Variants in PCNX4 observed in about 807,000 individuals in gnomAD.
PCNX4 encodes pecanex-like protein 4.
In PCNX4, 103 loss-of-function variants were observed where a neutral mutation model predicts 107.2. The observed-to-expected ratio is 0.96, with a 90% CI of 0.82 to 1.13. The LOEUF is 1.13. PCNX4 is among the 50% of genes most tolerant of loss of function. The probability of loss-of-function intolerance (pLI) is 0.00; values close to 1 mark genes in which losing one functional copy is unlikely to be tolerated. For missense variants in PCNX4, 1,528 were observed against 1,379.4 expected, an observed-to-expected ratio of 1.11 and a Z score of -1.71; for synonymous variants, 541 against 481.7, an observed-to-expected ratio of 1.12 and a Z score of -1.61.
At chr14:60,108,366 T>G (rs755901425) in intron 2 of PCNX4, 39 bp downstream of exon 2, 2 of 1,464,848 alleles carry the variant, frequency 1.4e-6, no homozygotes, top group South Asian at 2.6e-5. Context: ...AACTTTGTTT[T>G]TAAGTATACA....
chr14:60,120,661 A>G (rs979050968), intron 7 of PCNX4, among the ~76,000 whole-genome samples: 1 of 152,176 alleles, frequency 6.6e-6, no homozygotes, highest in Non-Finnish European at 1.5e-5. Context: ...GATACAATGT[A>G]TTTTCGACAG....
At chr14:60,113,321 A>G (rs976501128) in intron 2 of PCNX4, among the ~76,000 whole-genome samples, 22 of 152,354 alleles carry the variant, frequency 1.4e-4, no homozygotes, top group African/African-American at 5.1e-4. Context: ...GGGGCTGTCA[A>G]CATATTCTTA....
chr14:60,121,574 T>C (rs1309814933), intron 8 of PCNX4, among the ~76,000 whole-genome samples: 1 of 140,734 alleles, frequency 7.1e-6, no homozygotes, highest in Non-Finnish European at 1.5e-5. Context: ...CTCAAAAGTG[T>C]GAATCAGTAA....
Position 60,136,556 on chromosome 14 carries a change from A to C in PCNX4, c.*2335A>C, listed in dbSNP as rs1896242454. 6.6e-6 allele frequency: 1 copy of C among 152,426 alleles called. No homozygotes were observed. The highest frequency in any genetic ancestry group is 2.4e-5 in the African/African-American group (1 of 41,450). 9.4% of individuals were successfully genotyped at this position (152,426 alleles called of 1,614,324 possible). A position where few individuals can be genotyped will look rare whatever the true frequency, so the allele number is the denominator to read the frequency against. On this transcript the variant is annotated 3_prime_UTR_variant, in exon 11 of 11. Coordinates refer to ENST00000406854, the MANE Select transcript of PCNX4 (RefSeq NM_001330177.2). ...TTGAAGGGAAGGTGAGAGTTAAAGA[A>C]AGACACACAGAGGGCAGCTTGACAG...
Position 60,124,735 on chromosome 14 carries a change from G to T in PCNX4, c.2564G>T (p.Gly855Val), listed in dbSNP as rs775199236. Residue 855 changes from glycine to valine, a missense_variant, in exon 9 of 11, where the codon GGA (glycine) becomes GTA (valine). By Grantham distance (109) the Gly-to-Val change is moderately radical. Coordinates refer to ENST00000406854, the MANE Select transcript of PCNX4 (RefSeq NM_001330177.2). ...CCAGGTACAAATTTGTTTATTCCAGGATCAGTAGAATCACAGAGGGTTGGT... is the reference window on the plus strand; with the variant it reads ...CCAGGTACAAATTTGTTTATTCCAGTATCAGTAGAATCACAGAGGGTTGGT... Reference protein sequence around the residue: ...DLPGTNLFIPGSVESQRVGDH... With the variant: ...DLPGTNLFIPVSVESQRVGDH... The T allele has an allele frequency of 5.5e-5, 89 of 1,613,062 alleles. No individual in the cohort carries two copies. The highest frequency in any genetic ancestry group is 7.2e-5 in the Non-Finnish European group (85 of 1,179,760).
At chr14:60,103,936 G>A (rs1895580557) in intron 1 of PCNX4, among the ~76,000 whole-genome samples, 1 of 152,276 alleles carries the variant, frequency 6.6e-6, no homozygotes, top group Non-Finnish European at 1.5e-5. Flanking sequence ...TAAAAAATAA[G>A]TATAGATACT....
At chr14:60,117,056 TATAAA>T (rs1348845853) in intron 6 of PCNX4, among the ~76,000 whole-genome samples, 1 of 152,098 alleles carries the variant, frequency 6.6e-6, no homozygotes, top group African/African-American at 2.4e-5. Flanking sequence ...AAAAAGAAAG[TATAAA>T]ATAAAAAAGT....
intron 10 of PCNX4, among the ~76,000 whole-genome samples, chr14:60,131,519 T>G (rs1246539214): frequency 6.6e-6 from 1 of 152,122 alleles, no homozygotes; most frequent in African/African-American, 2.4e-5. Flanking sequence ...AGTACAAAGC[T>G]TACACTCTGA....
In PCNX4 at chr14:60,092,248, G is replaced by A. The variant is rs1022099383; in HGVS notation, c.-225G>A. ...AGTAGACGTTAGCCATGGAAACCGA[G>A]AGCTGGCCCGGGCGGGGCCGCGGTG... On this transcript the variant is annotated 5_prime_UTR_variant, in exon 1 of 11. Transcript: ENST00000406854. The A allele has an allele frequency of 1.3e-5, 2 of 152,300 alleles. No homozygotes were observed. The highest frequency in any genetic ancestry group is 4.8e-5 in the African/African-American group (2 of 41,480). 9.4% of individuals were successfully genotyped at this position (152,300 alleles called of 1,614,324 possible).
rs1896308768 is a variant in PCNX4, at chr14:60,141,775, T to G, written c.*7554T>G. 6.6e-6 allele frequency: 1 copy of G among 152,258 alleles called. No individual in the cohort carries two copies. The highest frequency in any genetic ancestry group is 6.5e-5 in the Admixed American group (1 of 15,292). 9.4% of individuals were successfully genotyped at this position (152,258 alleles called of 1,614,324 possible). ...TAACAGTTTGTTTATACCATTCACC[T>G]GTTGATGGACATTTGTTGGTTCCAG... On this transcript the variant is annotated 3_prime_UTR_variant, in exon 11 of 11. Transcript: ENST00000406854.
chr14:60,100,672 T>C (rs951677484), intron 1 of PCNX4, among the ~76,000 whole-genome samples: 2 of 152,232 alleles, frequency 1.3e-5, no homozygotes, highest in African/African-American at 4.8e-5. Flanking sequence ...TTGTTAAATC[T>C]TGCCCAAATT....
rs748529429 is a variant in PCNX4, at chr14:60,134,224, C to T, written c.*3C>T. On this transcript the variant is annotated 3_prime_UTR_variant, in exon 11 of 11. Transcript: ENST00000406854. Reference sequence around the variant, plus strand: ...CTCTCCACATACATTTGTATTAGAGCTCATTTTGACTGTAATGTCATCAAA... The same window carrying T: ...CTCTCCACATACATTTGTATTAGAGTTCATTTTGACTGTAATGTCATCAAA... 1.2e-5 allele frequency: 19 copies of T among 1,611,482 alleles called. No individual in the cohort carries two copies. In the African/African-American group the frequency reaches 2.3e-4, roughly 19 times the overall value.
intron 10 of PCNX4, among the ~76,000 whole-genome samples, chr14:60,133,495 T>C (rs1253354119): frequency 6.6e-6 from 1 of 152,198 alleles, no homozygotes; most frequent in East Asian, 1.9e-4. Flanking sequence ...GTTATGATGT[T>C]TTAAAACTTA....
chr14:60,104,421 T>C (rs1461283319), intron 1 of PCNX4, among the ~76,000 whole-genome samples: 1 of 152,136 alleles, frequency 6.6e-6, no homozygotes, highest in Non-Finnish European at 1.5e-5. Context: ...TTAATTGTCT[T>C]ACTTAAGCTA....
At chr14:60,126,973 C>T (rs1393688385) in intron 10 of PCNX4, among the ~76,000 whole-genome samples, 4 of 152,174 alleles carry the variant, frequency 2.6e-5, no homozygotes, top group African/African-American at 7.2e-5. Context: ...AGCATGCTAT[C>T]GCCCAGAACT....
Position 60,092,230 on chromosome 14 carries a change from G to T in PCNX4, c.-243G>T, listed in dbSNP as rs1056782362. 1 of 152,270 alleles carries T rather than the reference G, an allele frequency of 6.6e-6. No individual in the cohort carries two copies. Among genetic ancestry groups the T allele is most frequent in the Non-Finnish European group, 1.5e-5 (1 of 68,060 alleles). The allele number at this position is 152,270 out of a possible 1,614,324, so 9.4% of individuals were successfully genotyped here. ...CCGGGTGGCGGCCGCCGGAGTAGAC[G>T]TTAGCCATGGAAACCGAGAGCTGGC... On this transcript the variant is annotated 5_prime_UTR_variant, in exon 1 of 11. Coordinates refer to ENST00000406854, the MANE Select transcript of PCNX4 (RefSeq NM_001330177.2).
intron 2 of PCNX4, 196 bp downstream of exon 2, chr14:60,108,523 T>C: frequency 2.5e-6 from 1 of 400,652 alleles, no homozygotes; most frequent in Non-Finnish European, 4.5e-6. Context: ...TAAAACTTAT[T>C]AAAGAGTTTT....
At chr14:60,111,098 C>T (rs530960570) in intron 2 of PCNX4, 3 of 165,028 alleles carry the variant, frequency 1.8e-5, no homozygotes, top group East Asian at 3.9e-4. Flanking sequence ...TACTGGCAGC[C>T]TGATCTTGTA....
At chr14:60,116,130 G>A (rs1313959099) in intron 6 of PCNX4, 70 bp downstream of exon 6, 2 of 1,370,182 alleles carry the variant, frequency 1.5e-6, no homozygotes, top group African/African-American at 1.5e-5. Flanking sequence ...ATTTAGTGGT[G>A]TATATTCAGT....
Sources: gnomAD v4.1 joint callset for allele counts (sites outside exome capture counted in the v4.1 genomes callset) on GRCh38, gnomAD v4.1.1 for gene constraint, MANE v1.5 for transcripts, NCBI Gene and HGNC (gene_info 2026-07-23, HGNC 2026-07-21) for gene names.